Variants in TP53BP1 observed in about 807,000 individuals in gnomAD.
TP53BP1 encodes tumor protein p53 binding protein 1.
TP53BP1 carries 61 observed loss-of-function variants against 200.8 expected under a neutral mutation model. The ratio of observed to expected loss-of-function variants is 0.30; its 90% confidence interval spans 0.25 to 0.38. The LOEUF (loss-of-function observed/expected upper bound fraction) is 0.38, where lower values mean the gene tolerates loss of function less well. TP53BP1 is among the 10% of genes least tolerant of loss of function. The pLI is 1.00. For synonymous variants in TP53BP1, 822 were observed against 844.3 expected (o/e 0.97, Z 0.46); for missense variants, 2,144 against 2,371.9 (o/e 0.90, Z 2.00).
chr15:43,418,969 C>T (rs560869025), intron 21 of TP53BP1, among the ~76,000 whole-genome samples: 1 of 152,352 alleles, frequency 6.6e-6, no homozygotes, highest in Admixed American at 6.5e-5. Flanking sequence ...CCTGCAAACC[C>T]AGCATTTTGG....
intron 4 of TP53BP1, among the ~76,000 whole-genome samples, chr15:43,483,430 C>T (rs1222896770): frequency 6.6e-6 from 1 of 151,960 alleles, no homozygotes; most frequent in Non-Finnish European, 1.5e-5. Context: ...TGATGTCAAC[C>T]ATATAAATCA....
At position 43,432,673 on chromosome 15, in the gene TP53BP1, T is replaced by A. The variant is rs1201287650; in HGVS notation, c.3196A>T (p.Asn1066Tyr). 2 of 1,599,190 alleles carry A rather than the reference T, an allele frequency of 1.3e-6. No homozygotes were observed. Among genetic ancestry groups the A allele is most frequent in the Admixed American group, 3.5e-5 (2 of 57,852 alleles). Residue 1066 changes from asparagine to tyrosine, a missense_variant, in exon 17 of 28, where the codon AAC becomes TAC. Asn to Tyr is a moderately radical substitution (Grantham distance 143). Transcript: ENST00000382044. ...EDPPTTPIRGNLLHFPSSQGE... is the reference protein window; with the variant it reads ...EDPPTTPIRGYLLHFPSSQGE... ...TGAGAACTTGGAAAGTGGAGCAAGT[T>A]CCCCCTGAAAATGCAACATATAAAG...
chr15:43,438,728 CAAAAAAA>C lies in TP53BP1; in HGVS notation c.3099-319_3099-313del, dbSNP rs397699362. ...CAACAAATAATTTGCAAGCAAGAGG[CAAAAAAA>C]AAAAAAAAAAAAAAAAAAAAAGACT... On this transcript the variant is annotated intron_variant, in intron 15 of 27. Transcript: ENST00000382044. Among the ~76,000 whole-genome samples the C allele has an allele frequency of 0.011, 231 of 21,614 alleles. 1 individual carries two copies. In the East Asian group the frequency reaches 0.25, roughly 24 times the overall value. The allele number at this position is 21,614 out of a possible 152,430, so 14.2% of individuals were successfully genotyped here.
intron 11 of TP53BP1, among the ~76,000 whole-genome samples, chr15:43,461,591 A>G (rs1169253720): frequency 5.3e-5 from 8 of 152,212 alleles, no homozygotes; most frequent in Non-Finnish European, 1.0e-4. Flanking sequence ...TATACAGTAG[A>G]AGAATACTAA....
At chr15:43,428,455 C>G (rs181867522) in intron 17 of TP53BP1, among the ~76,000 whole-genome samples, 2 of 152,266 alleles carry the variant, frequency 1.3e-5, no homozygotes, top group African/African-American at 4.8e-5. Context: ...TTAGGTGAAC[C>G]TTTGACCCCT....
Position 43,420,702 on chromosome 15 carries a change from C to A in TP53BP1, c.4284G>T (p.Glu1428Asp). The change falls in exon 21 of 28, where the codon GAG becomes GAT. Residue 1428 changes from glutamate (E) to aspartate (D), a missense_variant. Coordinates refer to ENST00000382044, the MANE Select transcript of TP53BP1 (RefSeq NM_001141980.3). The part of the protein sequence containing the change: ...ETAVPGPLGI[E>D]DISPNLSPDD... ...CTGGTGACAAGTTAGGTGAAATGTC[C>A]TCTATGCCCAAGGGGCCAGGCACAG... 1 of 1,614,096 alleles carries A rather than the reference C, an allele frequency of 6.2e-7. No homozygotes were observed. The highest frequency in any genetic ancestry group is 8.5e-7 in the Non-Finnish European group (1 of 1,179,996).
At position 43,432,655 on chromosome 15, in the gene TP53BP1, T is replaced by C. The variant is rs1301428779; in HGVS notation, c.3214A>G (p.Ser1072Gly). 3.1e-6 allele frequency: 5 copies of C among 1,604,464 alleles called. No homozygotes were observed. In the African/African-American group the frequency reaches 4.0e-5, roughly 13 times the overall value. Residue 1072 changes from serine (S) to glycine (G), a missense_variant, in exon 17 of 28, where the codon AGT becomes GGT. By Grantham distance (56) the Ser-to-Gly change is moderately conservative. Around this residue, in one of 4 missense-constraint regions of TP53BP1, gnomAD observed 1,700 missense variants for 1,710.3 expected, o/e 0.99. Coordinates refer to ENST00000382044, the MANE Select transcript of TP53BP1 (RefSeq NM_001141980.3). ...PIRGNLLHFP[S>G]SQGEEEKEKL... ...TCTTTCTCCTCTTCTCCTTGAGAAC[T>C]TGGAAAGTGGAGCAAGTTCCCCCTG...
At chr15:43,492,511 G>A (rs1356361445) in intron 1 of TP53BP1, 43 bp from the exon 2 acceptor site, 7 of 1,554,122 alleles carry the variant, frequency 4.5e-6, no homozygotes, top group Non-Finnish European at 6.2e-6. Context: ...TAACCTACTA[G>A]CCTTGCTCAC....
At chr15:43,482,202 C>G (rs535938381) in intron 4 of TP53BP1, among the ~76,000 whole-genome samples, 30 of 152,162 alleles carry the variant, frequency 2.0e-4, no homozygotes, top group Non-Finnish European at 3.4e-4. Context: ...GCACTCCAGC[C>G]TGGGCGACAG....
intron 12 of TP53BP1, among the ~76,000 whole-genome samples, chr15:43,450,385 G>A (rs935573986): frequency 8.6e-5 from 13 of 151,956 alleles, no homozygotes; most frequent in Non-Finnish European, 2.9e-5. Flanking sequence ...TTATATATCC[G>A]GCGATATCAT....
intron 17 of TP53BP1, 140 bp from the exon 18 acceptor site, chr15:43,428,308 C>T (rs1002130014): frequency 1.4e-6 from 1 of 731,976 alleles, no homozygotes; most frequent in African/African-American, 1.8e-5. Flanking sequence ...TTGTTTTATC[C>T]ACCTATAGGT....
chr15:43,414,222 ACTTTGT>A, intron 23 of TP53BP1: 1 of 418,736 alleles, frequency 2.4e-6, no homozygotes, highest in Non-Finnish European at 4.9e-6. Flanking sequence ...ATCCTGGCTT[ACTTTGT>A]CATCTTGGGA....
At chr15:43,497,485 T>C, upstream of TP53BP1, 2 of 984,174 alleles carry the variant, frequency 2.0e-6, no homozygotes, top group Non-Finnish European at 2.4e-6. Context: ...AAATCCTGGC[T>C]CTTCTCTACC....
intron 11 of TP53BP1, among the ~76,000 whole-genome samples, chr15:43,469,396 C>T (rs1382746243): frequency 6.6e-6 from 1 of 152,028 alleles, no homozygotes; most frequent in Admixed American, 6.6e-5. Flanking sequence ...TACGACACAA[C>T]ATTAACTGGA....
chr15:43,448,105 T>C (rs2046084631), intron 12 of TP53BP1, among the ~76,000 whole-genome samples: 1 of 152,222 alleles, frequency 6.6e-6, no homozygotes, highest in Admixed American at 6.5e-5. Flanking sequence ...GTAATGTTCA[T>C]ACCTAAATCT....
At position 43,421,903 on chromosome 15, in the gene TP53BP1, G is replaced by A; in HGVS notation, c.4052C>T (p.Pro1351Leu). 3 of 1,614,192 alleles carry A rather than the reference G, an allele frequency of 1.9e-6. No homozygotes were observed. The highest frequency in any genetic ancestry group is 2.5e-6 in the Non-Finnish European group (3 of 1,180,038). The stretch of plus-strand genomic sequence containing the variant: ...GGAGCTGGGTAAGGCAAAATCTGCG[G>A]GTTCTGTCCCGCTGGTTTTCCCTCT... ...PLRGKTSGTE[P>L]ADFALPSSRG... The change falls in exon 19 of 28, where the codon CCC becomes CTC. Residue 1351 changes from proline to leucine, a missense_variant. Pro to Leu is a moderately conservative substitution (Grantham distance 98). This residue lies in a region of TP53BP1 where 1,700 missense variants were observed against 1,710.3 expected (regional missense o/e 0.99). Transcript: ENST00000382044.
chr15:43,498,693 A>G (rs940561360), intron 1 of TP53BP1, among the ~76,000 whole-genome samples: 23 of 152,248 alleles, frequency 1.5e-4, no homozygotes, highest in African/African-American at 5.3e-4. Flanking sequence ...CCCTTCTTCT[A>G]TAAATAATTC....
chr15:43,502,748 C>T (rs550167974), intron 1 of TP53BP1, among the ~76,000 whole-genome samples: 30 of 151,846 alleles, frequency 2.0e-4, no homozygotes, highest in Admixed American at 1.5e-3. Context: ...CGTGAGCCAC[C>T]GTGCCCTGCC....
At chr15:43,468,026 C>T (rs943572662) in intron 11 of TP53BP1, among the ~76,000 whole-genome samples, 5 of 152,082 alleles carry the variant, frequency 3.3e-5, no homozygotes, top group African/African-American at 1.2e-4. Flanking sequence ...CTCAAGTGAT[C>T]CGCCTGCCTC....
Sources: allele counts gnomAD v4.1 joint callset (sites outside exome capture counted in the v4.1 genomes callset), GRCh38; gene constraint gnomAD v4.1.1; regional missense constraint gnomAD v4.1.1; transcripts MANE v1.5; gene names NCBI Gene and HGNC (gene_info 2026-07-23, HGNC 2026-07-21).